The following GLCCI1 variants were observed in gnomAD, a reference collection of about 807,000 sequenced individuals.
GLCCI1 encodes the protein glucocorticoid induced 1.
In GLCCI1, 24 loss-of-function variants were observed where a neutral mutation model predicts 52.2. The observed-to-expected ratio is 0.46, with a 90% CI of 0.33 to 0.65. The LOEUF (loss-of-function observed/expected upper bound fraction) is 0.65. Ranked by LOEUF, GLCCI1 falls within the 30% of genes least tolerant of loss-of-function variation. GLCCI1 has a pLI of 0.02. For synonymous variants in GLCCI1, 310 were observed against 276.5 expected, an observed-to-expected ratio of 1.12 and a Z score of -1.20; for missense variants, 704 against 701.5, an observed-to-expected ratio of 1.00 and a Z score of -0.04.
At chr7:7,987,836 G>T (rs113842285) in intron 1 of GLCCI1, among the ~76,000 whole-genome samples, 15 of 151,906 alleles carry the variant, frequency 9.9e-5, no homozygotes, top group Non-Finnish European at 1.9e-4. Context: ...TTATCCTTCC[G>T]CTTTGGCCTT....
At chr7:7,984,489 T>G (rs1172948697) in intron 1 of GLCCI1, among the ~76,000 whole-genome samples, 2 of 152,238 alleles carry the variant, frequency 1.3e-5, no homozygotes, top group Non-Finnish European at 2.9e-5. Flanking sequence ...AAGGAGAATG[T>G]GAATTATATA....
chr7:8,013,443 T>A (rs1050690197), intron 2 of GLCCI1, among the ~76,000 whole-genome samples: 1 of 152,216 alleles, frequency 6.6e-6, no homozygotes, highest in African/African-American at 2.4e-5. Flanking sequence ...ACCATTAATA[T>A]CTTTTTTAAT....
At chr7:8,062,794 A>G (rs190887783) in intron 5 of GLCCI1, among the ~76,000 whole-genome samples, 1 of 152,326 alleles carries the variant, frequency 6.6e-6, no homozygotes, top group African/African-American at 2.4e-5. Flanking sequence ...TGCAAAGGAC[A>G]TGGTCTTACT....
chr7:8,017,234 T>TG (rs1195927813), intron 2 of GLCCI1, among the ~76,000 whole-genome samples: 1 of 152,200 alleles, frequency 6.6e-6, no homozygotes, highest in African/African-American at 2.4e-5. Context: ...TAGAATGGTG[T>TG]GAAAAATATT....
rs530686240 is a variant in GLCCI1 at position 8,058,944 on chromosome 7, GA to G, written c.814-1149del. ...CTTTAATAAAGTAACCTAGAGAAAA[GA>G]AATGGTCATTAATAAAAGCATAAGG... On this transcript the variant is annotated intron_variant, in intron 4 of 7. Transcript: ENST00000223145. Among the ~76,000 whole-genome samples, 391 of 152,188 alleles carry G rather than the reference GA, an allele frequency of 2.6e-3. 2 individuals carry two copies. Among genetic ancestry groups the G allele is most frequent in the African/African-American group, 9.0e-3 (372 of 41,518 alleles).
At chr7:8,019,109 T>A (rs771838502) in intron 2 of GLCCI1, among the ~76,000 whole-genome samples, 6 of 152,212 alleles carry the variant, frequency 3.9e-5, no homozygotes, top group Non-Finnish European at 8.8e-5. Flanking sequence ...GTAGCCATCT[T>A]TTGGTTTTGT....
intron 5 of GLCCI1, among the ~76,000 whole-genome samples, chr7:8,067,056 T>G (rs1249991333): frequency 1.3e-5 from 2 of 152,248 alleles, no homozygotes; most frequent in Non-Finnish European, 2.9e-5. Flanking sequence ...TTTATGAATC[T>G]GGGTGCCCCT....
intron 6 of GLCCI1, among the ~76,000 whole-genome samples, chr7:8,072,741 T>C (rs1782790692): frequency 6.6e-6 from 1 of 152,220 alleles, no homozygotes; most frequent in Admixed American, 6.5e-5. Flanking sequence ...TGGCCACTTT[T>C]GCTACTTAAC....
intron 1 of GLCCI1, among the ~76,000 whole-genome samples, chr7:7,983,712 A>C (rs561163014): frequency 2.0e-4 from 31 of 152,334 alleles, no homozygotes; most frequent in African/African-American, 7.2e-4. Flanking sequence ...TTGTTAGTGC[A>C]TGCAAGTCCT....
chr7:8,003,945 T>C lies in GLCCI1; in HGVS notation c.495T>C (p.Ser165=). ...AATCTCAGCAAGTTCGGACCTCTAG[T>C]ACAATAAGGCGAACCTCCTCTTTGG... ...KAKSQQVRTS[S]TIRRTSSLDT... Residue 165 remains serine (S), a synonymous_variant, in exon 2 of 8, where the codon AGT becomes AGC. Transcript: ENST00000223145. 6.2e-7 allele frequency: 1 copy of C among 1,613,740 alleles called. No homozygotes were observed. Among genetic ancestry groups the C allele is most frequent in the South Asian group, 1.1e-5 (1 of 91,064 alleles).
intron 1 of GLCCI1, among the ~76,000 whole-genome samples, chr7:7,972,569 T>A (rs1780374611): frequency 6.6e-6 from 1 of 152,212 alleles, no homozygotes; most frequent in African/African-American, 2.4e-5. Flanking sequence ...AATGTTTTTA[T>A]GATTCTTTTA....
intron 2 of GLCCI1, among the ~76,000 whole-genome samples, chr7:8,011,554 A>G (rs1290167135): frequency 6.6e-6 from 1 of 152,162 alleles, no homozygotes; most frequent in African/African-American, 2.4e-5. Context: ...ATGGGTGGAC[A>G]TTTAGGTTGT....
chr7:8,053,480 G>A (rs1051609888), intron 3 of GLCCI1, among the ~76,000 whole-genome samples: 8 of 149,590 alleles, frequency 5.3e-5, no homozygotes, highest in Admixed American at 4.7e-4. Context: ...ACACCACCAC[G>A]TCTGGCTAAT....
At chr7:8,022,680 A>G (rs1583979302) in intron 3 of GLCCI1, 111 bp downstream of exon 3, 2 of 482,734 alleles carry the variant, frequency 4.1e-6, no homozygotes, top group East Asian at 4.0e-5. Flanking sequence ...TACCTCTTTC[A>G]GTAAGGTTAG....
At chr7:8,018,564 C>T (rs1353111655) in intron 2 of GLCCI1, among the ~76,000 whole-genome samples, 1 of 152,100 alleles carries the variant, frequency 6.6e-6, no homozygotes, top group Non-Finnish European at 1.5e-5. Flanking sequence ...GGTTCTCACA[C>T]AGGTTGGAGC....
intron 1 of GLCCI1, among the ~76,000 whole-genome samples, chr7:7,975,324 T>A (rs1391891071): frequency 6.6e-6 from 1 of 152,238 alleles, no homozygotes; most frequent in East Asian, 1.9e-4. Flanking sequence ...AAGTGAATGT[T>A]ACTAAGGCAC....
intron 2 of GLCCI1, among the ~76,000 whole-genome samples, chr7:8,020,629 A>G (rs957075820): frequency 1.2e-4 from 18 of 152,222 alleles, no homozygotes; most frequent in Non-Finnish European, 2.4e-4. Context: ...AAAGGGCTGT[A>G]CAAAATGAAT....
intron 1 of GLCCI1, among the ~76,000 whole-genome samples, chr7:7,983,006 C>G (rs573084782): frequency 9.2e-5 from 14 of 152,092 alleles, no homozygotes; most frequent in Non-Finnish European, 1.8e-4. Context: ...GTTAGCTAGT[C>G]TTTAGGACAC....
intron 3 of GLCCI1, among the ~76,000 whole-genome samples, chr7:8,043,597 A>G: frequency 6.6e-6 from 1 of 152,186 alleles, no homozygotes; most frequent in East Asian, 1.9e-4. Flanking sequence ...AATAAATAGA[A>G]TGAAGGGAAA....
Sources: gnomAD v4.1 joint callset for allele counts (sites outside exome capture counted in the v4.1 genomes callset) on GRCh38, gnomAD v4.1.1 for gene constraint, MANE v1.5 for transcripts, NCBI Gene and HGNC (gene_info 2026-07-23, HGNC 2026-07-21) for gene names.